TNNI3K: variants seen among roughly 807,000 people sequenced by gnomAD.
The protein encoded by TNNI3K is serine/threonine-protein kinase TNNI3K.
In TNNI3K, 140 loss-of-function variants were observed where a neutral mutation model predicts 114.5. The ratio of observed to expected loss-of-function variants is 1.22; its 90% CI spans 1.07 to 1.41. The LOEUF (loss-of-function observed/expected upper bound fraction) is 1.41, where lower values mean the gene tolerates loss of function less well. Among genes scored for constraint, TNNI3K ranks in the 40% most tolerant of loss-of-function variants. The pLI, the probability that TNNI3K is intolerant of heterozygous loss-of-function variation, is 0.00. For missense variants in TNNI3K, 1,125 were observed against 1,007.6 expected (o/e 1.12, Z -1.58); for synonymous variants, 347 against 347.5 (o/e 1.00, Z 0.02).
chr1:74,349,953 T>C (rs1661244278), intron 9 of TNNI3K, among the ~76,000 whole-genome samples: 1 of 152,170 alleles, frequency 6.6e-6, no homozygotes, highest in East Asian at 1.9e-4. Context: ...TTGAAGGGTT[T>C]TTTGTGTCTC....
chr1:74,372,655 C>T (rs1440044724), intron 17 of TNNI3K: 1 of 151,648 alleles, frequency 6.6e-6, no homozygotes, highest in Non-Finnish European at 1.5e-5. Flanking sequence ...ATTATCTTTC[C>T]ATCCCAAACA....
chr1:74,290,080 G>C lies in TNNI3K; in HGVS notation c.444+18372G>C, dbSNP rs556904801. The stretch of plus-strand genomic sequence containing the variant: ...AAAAGTGGAAACCTCCTGTGAATGA[G>C]GCAAATTTAGTAACCTCCAATTAAT... On this transcript the variant is annotated intron_variant, in intron 5 of 24. Coordinates refer to ENST00000326637, the MANE Select transcript of TNNI3K (RefSeq NM_015978.3). Among the ~76,000 whole-genome samples, 4 of 151,760 alleles carry C rather than the reference G, an allele frequency of 2.6e-5. No homozygotes were observed. The East Asian group carries it at 7.8e-4, about 30-fold the overall frequency.
At chr1:74,306,130 TAATTCTA>T (rs1658620320) in intron 5 of TNNI3K, among the ~76,000 whole-genome samples, 1 of 152,214 alleles carries the variant, frequency 6.6e-6, no homozygotes, top group Non-Finnish European at 1.5e-5. Flanking sequence ...GTTTCTGAGT[TAATTCTA>T]AGTGTTAATT....
chr1:74,506,506 G>A (rs1669909921), intron 23 of TNNI3K, among the ~76,000 whole-genome samples: 1 of 152,198 alleles, frequency 6.6e-6, no homozygotes, highest in African/African-American at 2.4e-5. Context: ...TCAGTTGTGT[G>A]ACATGAGCAA....
intron 5 of TNNI3K, among the ~76,000 whole-genome samples, chr1:74,295,963 T>C (rs1433769057): frequency 6.6e-6 from 1 of 152,154 alleles, no homozygotes; most frequent in Admixed American, 6.5e-5. Context: ...TTAGAGATTA[T>C]ACTGTGCATT....
At chr1:74,321,255 T>A (rs1659596472) in intron 5 of TNNI3K, among the ~76,000 whole-genome samples, 1 of 152,118 alleles carries the variant, frequency 6.6e-6, no homozygotes, top group African/African-American at 2.4e-5. Context: ...AAGATGATGG[T>A]TAACTGAACA....
At chr1:74,348,505 T>G (rs1037312400) in intron 9 of TNNI3K, among the ~76,000 whole-genome samples, 8 of 152,212 alleles carry the variant, frequency 5.3e-5, no homozygotes, top group Non-Finnish European at 7.3e-5. Flanking sequence ...CCATAAGAAC[T>G]TTAAAGTAGT....
intron 20 of TNNI3K, among the ~76,000 whole-genome samples, chr1:74,455,067 C>T (rs1056607028): frequency 5.9e-5 from 9 of 152,016 alleles, no homozygotes; most frequent in African/African-American, 2.2e-4. Context: ...AGGAATAGGT[C>T]GCTGACCAGG....
At chr1:74,400,200 C>T (rs910388623) in intron 17 of TNNI3K, among the ~76,000 whole-genome samples, 3 of 152,166 alleles carry the variant, frequency 2.0e-5, no homozygotes, top group Non-Finnish European at 4.4e-5. Flanking sequence ...TAGGAATAGA[C>T]ATCTGAGGAA....
intron 23 of TNNI3K, among the ~76,000 whole-genome samples, chr1:74,537,076 T>C (rs550596971): frequency 2.6e-5 from 4 of 152,180 alleles, no homozygotes; most frequent in Non-Finnish European, 4.4e-5. Flanking sequence ...ATGTGGTATC[T>C]CTTGGGCAAA....
intron 23 of TNNI3K, among the ~76,000 whole-genome samples, chr1:74,500,911 T>C (rs1443773398): frequency 3.3e-5 from 5 of 152,120 alleles, no homozygotes; most frequent in Admixed American, 2.6e-4. Context: ...TTATCTTTGG[T>C]ATCCTACAGT....
At chr1:74,355,664 C>T (rs541913819) in intron 11 of TNNI3K, among the ~76,000 whole-genome samples, 1 of 151,514 alleles carries the variant, frequency 6.6e-6, no homozygotes, top group South Asian at 2.1e-4. Context: ...TATGAAAGTC[C>T]ATCAATGAAA....
intron 20 of TNNI3K, among the ~76,000 whole-genome samples, chr1:74,461,341 G>T (rs147814097): frequency 0.031 from 4,786 of 152,128 alleles, 116 homozygotes; most frequent in Admixed American, 0.061. Flanking sequence ...TTAGCTGGGG[G>T]TGGTGGCATG....
intron 23 of TNNI3K, among the ~76,000 whole-genome samples, chr1:74,537,527 A>T (rs6666812): frequency 0.94 from 142,891 of 152,246 alleles, 67,178 homozygotes; most frequent in Middle Eastern, 0.97. Flanking sequence ...TTCAGGAAAA[A>T]CTGATGTCTC....
chr1:74,310,885 T>C (rs1413185596), intron 5 of TNNI3K, among the ~76,000 whole-genome samples: 1 of 150,864 alleles, frequency 6.6e-6, no homozygotes, highest in Admixed American at 6.6e-5. Context: ...TTCACTTAAC[T>C]TCAGTGAAAG....
chr1:74,423,080 T>G (rs1031726162), intron 17 of TNNI3K, among the ~76,000 whole-genome samples: 1 of 152,090 alleles, frequency 6.6e-6, no homozygotes, highest in Non-Finnish European at 1.5e-5. Context: ...CATTAGATTT[T>G]CTAAACACTC....
chr1:74,309,189 A>G (rs1658831644), intron 5 of TNNI3K, among the ~76,000 whole-genome samples: 1 of 150,406 alleles, frequency 6.6e-6, no homozygotes, highest in Non-Finnish European at 1.5e-5. Context: ...TAACACGGTG[A>G]AACCCCGTCT....
chr1:74,290,102 T>A (rs1278075874), intron 5 of TNNI3K, among the ~76,000 whole-genome samples: 1 of 151,762 alleles, frequency 6.6e-6, no homozygotes, highest in Admixed American at 6.6e-5. Flanking sequence ...AACCTCCAAT[T>A]AATCAAGCAC....
chr1:74,475,781 C>G, intron 21 of TNNI3K: 1 of 623,800 alleles, frequency 1.6e-6, no homozygotes, highest in Non-Finnish European at 2.9e-6. Context: ...TTAAATACAA[C>G]TAAACCTAGG....
Sources: gnomAD v4.1 joint callset for allele counts (sites outside exome capture counted in the v4.1 genomes callset) on GRCh38, gnomAD v4.1.1 for gene constraint, MANE v1.5 for transcripts, NCBI Gene and HGNC (gene_info 2026-07-23, HGNC 2026-07-21) for gene names.